The following DCLK1 variants were observed in gnomAD, a reference collection of about 807,000 sequenced individuals.
DCLK1 encodes doublecortin like kinase 1, also known as serine/threonine-protein kinase DCLK1.
In DCLK1, 16 loss-of-function variants were observed where a neutral mutation model predicts 86.2. The ratio of observed to expected loss-of-function variants is 0.19; its 90% CI spans 0.13 to 0.28. The LOEUF is 0.28. Ranked by LOEUF, DCLK1 falls within the 10% of genes least tolerant of loss-of-function variation. The pLI, the probability that DCLK1 is intolerant of heterozygous loss-of-function variation, is 1.00. For synonymous variants in DCLK1, 369 were observed against 370.5 expected (o/e 1.00, Z 0.05); for missense variants, 590 against 940.2 (o/e 0.63, Z 4.87).
intron 8 of DCLK1, among the ~76,000 whole-genome samples, chr13:35,830,618 T>TA (rs2153106605): frequency 6.6e-6 from 1 of 152,290 alleles, no homozygotes; most frequent in South Asian, 2.1e-4. Flanking sequence ...AAAATTATGA[T>TA]AAAGCAAATC....
chr13:36,116,321 T>C (rs1376550501), intron 2 of DCLK1, among the ~76,000 whole-genome samples: 1 of 152,220 alleles, frequency 6.6e-6, no homozygotes, highest in Non-Finnish European at 1.5e-5. Context: ...ATAAGATTTA[T>C]TATTTTAAAA....
intron 3 of DCLK1, among the ~76,000 whole-genome samples, chr13:36,033,518 C>T (rs2153153697): frequency 6.6e-6 from 1 of 152,222 alleles, no homozygotes; most frequent in South Asian, 2.1e-4. Flanking sequence ...TGGTGTGACT[C>T]CCCACTCAAT....
chr13:36,041,400 T>C (rs897336905), intron 3 of DCLK1, among the ~76,000 whole-genome samples: 1 of 152,188 alleles, frequency 6.6e-6, no homozygotes, highest in Non-Finnish European at 1.5e-5. Flanking sequence ...TGTTAACCTG[T>C]ACTCCTACGG....
At chr13:36,048,101 T>C (rs1882988772) in intron 3 of DCLK1, among the ~76,000 whole-genome samples, 1 of 152,228 alleles carries the variant, frequency 6.6e-6, no homozygotes, top group Non-Finnish European at 1.5e-5. Context: ...AATGTATGCA[T>C]ATATTAAAAC....
intron 3 of DCLK1, among the ~76,000 whole-genome samples, chr13:35,954,222 A>ATTT (rs1566618480): frequency 5.2e-4 from 79 of 150,786 alleles, no homozygotes; most frequent in African/African-American, 1.8e-3. Flanking sequence ...TTTTTTTTTA[A>ATTT]AAAAAAATCT....
At chr13:36,127,450 CTAGCTGTGT>C (rs1886226287) in intron 1 of DCLK1, among the ~76,000 whole-genome samples, 1 of 152,194 alleles carries the variant, frequency 6.6e-6, no homozygotes, top group Admixed American at 6.5e-5. Flanking sequence ...TGACCCCATG[CTAGCTGTGT>C]AAGCTTGAAA....
chr13:36,060,316 T>C (rs920020597), intron 3 of DCLK1, among the ~76,000 whole-genome samples: 1 of 152,186 alleles, frequency 6.6e-6, no homozygotes, highest in African/African-American at 2.4e-5. Flanking sequence ...TATTATCTAC[T>C]CAGTACTACG....
chr13:35,806,834 C>T (rs755513237), intron 14 of DCLK1, among the ~76,000 whole-genome samples: 4 of 152,164 alleles, frequency 2.6e-5, no homozygotes, highest in Non-Finnish European at 4.4e-5. Flanking sequence ...GCTGTATCGT[C>T]CCATCTCCTT....
chr13:35,885,560 G>C lies in DCLK1; in HGVS notation c.824-14220C>G, dbSNP rs949936084. On this transcript the variant is annotated intron_variant, in intron 4 of 16. Coordinates refer to ENST00000360631, the MANE Select transcript of DCLK1 (RefSeq NM_001330071.2). ...ATACTCCTGAGCAAAGTCTCACTGG[G>C]ATAGAATTTAATCAAGAGGTTTTAC... Among the ~76,000 whole-genome samples the C allele has an allele frequency of 2.0e-5, 3 of 152,122 alleles. No homozygotes were observed. In the South Asian group the frequency reaches 6.2e-4, roughly 32 times the overall value.
chr13:35,850,971 T>G (rs1870583550), intron 6 of DCLK1, among the ~76,000 whole-genome samples: 1 of 152,196 alleles, frequency 6.6e-6, no homozygotes, highest in South Asian at 2.1e-4. Flanking sequence ...GGTTTCGCCT[T>G]ATTGGCAAGA....
Position 35,850,603 on chromosome 13 carries a change from C to G in DCLK1, c.1035+3896G>C, listed in dbSNP as rs957541929. 3 of 1,298,190 alleles carry G rather than the reference C, an allele frequency of 2.3e-6. No individual in the cohort carries two copies. In the African/African-American group the frequency reaches 4.5e-5, roughly 20 times the overall value. 80.4% of individuals were successfully genotyped at this position (1,298,190 alleles called of 1,614,324 possible). A position where few individuals can be genotyped will look rare whatever the true frequency, so the allele number is the denominator to read the frequency against. On this transcript the variant is annotated intron_variant, in intron 6 of 16. Coordinates refer to ENST00000360631, the MANE Select transcript of DCLK1 (RefSeq NM_001330071.2). Reference sequence around the variant, plus strand: ...CATATTTACTTTTGGATGATTTGGTCTTTTATCATTTCAAGGTATGCAAAA... The same window carrying G: ...CATATTTACTTTTGGATGATTTGGTGTTTTATCATTTCAAGGTATGCAAAA...
At position 36,052,152 on chromosome 13, in the gene DCLK1, A is replaced by G. The variant is rs115429165; in HGVS notation, c.723+59717T>C. Among the ~76,000 whole-genome samples the G allele has an allele frequency of 6.0e-3, 912 of 152,188 alleles. 9 individuals carry two copies. The highest frequency in any genetic ancestry group is 0.02 in the African/African-American group (851 of 41,530). On this transcript the variant is annotated intron_variant, in intron 3 of 16. Transcript: ENST00000360631. Reference sequence around the variant, plus strand: ...TTTTTACTTGAGAAACTCAACTTATATCTCATCACGGAACTTGCTCTCATC... The same window carrying G: ...TTTTTACTTGAGAAACTCAACTTATGTCTCATCACGGAACTTGCTCTCATC...
intron 6 of DCLK1, among the ~76,000 whole-genome samples, chr13:35,840,585 G>A (rs1377116607): frequency 1.3e-5 from 2 of 152,182 alleles, no homozygotes; most frequent in Non-Finnish European, 2.9e-5. Flanking sequence ...CACAGTTTGT[G>A]TAATGTGCCC....
intron 3 of DCLK1, among the ~76,000 whole-genome samples, chr13:35,981,324 A>ATATACTTTT (rs1284412218): frequency 6.6e-6 from 1 of 152,060 alleles, no homozygotes; most frequent in Non-Finnish European, 1.5e-5. Flanking sequence ...TTTAAAAAAT[A>ATATACTTTT]TATACTTTTT....
intron 8 of DCLK1, among the ~76,000 whole-genome samples, chr13:35,834,670 C>CA (rs1384297994): frequency 6.6e-6 from 1 of 152,188 alleles, no homozygotes; most frequent in Non-Finnish European, 1.5e-5. Context: ...ATGTTTGGCA[C>CA]AAATGTGCCA....
chr13:35,774,697 G>A lies in DCLK1; in HGVS notation c.2061C>T (p.Thr687=). Residue 687 remains threonine (T), a splice_region_variant and synonymous_variant, in exon 17 of 17, where the codon ACC becomes ACT. Coordinates refer to ENST00000360631, the MANE Select transcript of DCLK1 (RefSeq NM_001330071.2). The part of the protein sequence containing the change: ...STAAGVSVIA[T]TALDKERQVF... ...CCTGCCTCTCCTTATCAAGAGCGGT[G>A]GTCTAGCAGGGGCATAAAATGAGAA... 1 of 1,611,090 alleles carries A rather than the reference G, an allele frequency of 6.2e-7. No homozygotes were observed. The highest frequency in any genetic ancestry group is 8.5e-7 in the Non-Finnish European group (1 of 1,178,572).
intron 3 of DCLK1, among the ~76,000 whole-genome samples, chr13:36,013,909 G>C (rs1418723520): frequency 2.0e-5 from 3 of 152,232 alleles, no homozygotes; most frequent in Non-Finnish European, 4.4e-5. Flanking sequence ...CTCCGAGCCA[G>C]GTGTGGGATA....
At chr13:36,017,312 G>C (rs1331027907) in intron 3 of DCLK1, among the ~76,000 whole-genome samples, 1 of 152,048 alleles carries the variant, frequency 6.6e-6, no homozygotes, top group Non-Finnish European at 1.5e-5. Context: ...AAACTCCAAG[G>C]CTAGACACAG....
chr13:35,806,833 T>C (rs1292719540), intron 14 of DCLK1, among the ~76,000 whole-genome samples: 1 of 152,160 alleles, frequency 6.6e-6, no homozygotes, highest in Non-Finnish European at 1.5e-5. Context: ...AGCTGTATCG[T>C]CCCATCTCCT....
Sources: gnomAD v4.1 joint callset for allele counts (sites outside exome capture counted in the v4.1 genomes callset) on GRCh38, gnomAD v4.1.1 for gene constraint, MANE v1.5 for transcripts, NCBI Gene and HGNC (gene_info 2026-07-23, HGNC 2026-07-21) for gene names.